Variants in PLCB1 observed in about 807,000 individuals in gnomAD.
PLCB1 encodes the protein phospholipase C beta 1, also known as 1-phosphatidylinositol 4,5-bisphosphate phosphodiesterase beta-1.
A neutral mutation model predicts 161.8 loss-of-function variants in PLCB1; 46 were observed. The observed-to-expected ratio is 0.28, with a 90% CI of 0.22 to 0.36. The LOEUF (loss-of-function observed/expected upper bound fraction) is 0.36, where lower values mean the gene tolerates loss of function less well. PLCB1 is among the 10% of genes least tolerant of loss of function. The probability of loss-of-function intolerance (pLI) is 1.00; values close to 1 mark genes in which losing one functional copy is unlikely to be tolerated. For synonymous variants in PLCB1, 517 were observed against 503.7 expected, an observed-to-expected ratio of 1.03 and a Z score of -0.35; for missense variants, 1,016 against 1,472.5, an observed-to-expected ratio of 0.69 and a Z score of 5.07.
intron 3 of PLCB1, among the ~76,000 whole-genome samples, chr20:8,545,157 C>T (rs967771909): frequency 1.3e-5 from 2 of 152,166 alleles, no homozygotes; most frequent in Non-Finnish European, 2.9e-5. Context: ...ACTTGTCTCT[C>T]GGAAACCTTC....
At chr20:8,170,519 T>G (rs1024142607) in intron 2 of PLCB1, among the ~76,000 whole-genome samples, 2 of 151,950 alleles carry the variant, frequency 1.3e-5, no homozygotes, top group African/African-American at 4.8e-5. Context: ...AAAAAAAGAG[T>G]GTCATTGCTT....
intron 14 of PLCB1, 92 bp from the exon 15 acceptor site, chr20:8,722,262 T>A: frequency 1.1e-6 from 1 of 921,412 alleles, no homozygotes; most frequent in Non-Finnish European, 1.7e-6. Flanking sequence ...CAAGGAAATC[T>A]GTAATTGATT....
intron 3 of PLCB1, among the ~76,000 whole-genome samples, chr20:8,541,481 T>C (rs529509942): frequency 2.0e-5 from 3 of 151,788 alleles, no homozygotes; most frequent in African/African-American, 4.8e-5. Context: ...GCATTGGTTC[T>C]CCAAATCTCA....
At chr20:8,520,707 T>C (rs1238068929) in intron 3 of PLCB1, among the ~76,000 whole-genome samples, 2 of 152,222 alleles carry the variant, frequency 1.3e-5, no homozygotes, top group Admixed American at 6.5e-5. Flanking sequence ...TTTCTGTGGG[T>C]ATAAATAACT....
intron 3 of PLCB1, among the ~76,000 whole-genome samples, chr20:8,535,053 T>C (rs1984986465): frequency 6.7e-6 from 1 of 150,084 alleles, no homozygotes. Flanking sequence ...TTCTCCTGGT[T>C]GGTGGAAATA....
At chr20:8,751,609 A>G (rs1981485122) in intron 23 of PLCB1, 1 of 152,196 alleles carries the variant, frequency 6.6e-6, no homozygotes, top group Non-Finnish European at 1.5e-5. Flanking sequence ...AGTTAGGCAT[A>G]TTTTGAAGAA....
At chr20:8,550,156 A>G (rs1361234401) in intron 3 of PLCB1, among the ~76,000 whole-genome samples, 1 of 152,142 alleles carries the variant, frequency 6.6e-6, no homozygotes, top group African/African-American at 2.4e-5. Flanking sequence ...ATTTCAGATG[A>G]GAGTTTGGAC....
At chr20:8,298,376 G>C (rs1299520083) in intron 2 of PLCB1, among the ~76,000 whole-genome samples, 2 of 151,806 alleles carry the variant, frequency 1.3e-5, no homozygotes, top group African/African-American at 2.4e-5. Context: ...AGAGTAATTG[G>C]TAGAGTTTGT....
chr20:8,467,835 G>A (rs1820578479), intron 3 of PLCB1, among the ~76,000 whole-genome samples: 1 of 152,132 alleles, frequency 6.6e-6, no homozygotes, highest in African/African-American at 2.4e-5. Flanking sequence ...TTCTTATTTA[G>A]TTGTTCTTCA....
At chr20:8,235,224 G>A (rs1254643555) in intron 2 of PLCB1, among the ~76,000 whole-genome samples, 1 of 152,062 alleles carries the variant, frequency 6.6e-6, no homozygotes. Context: ...AAAATATAAT[G>A]TGCATTATTT....
chr20:8,584,131 G>A (rs975294352), intron 3 of PLCB1, among the ~76,000 whole-genome samples: 27 of 152,058 alleles, frequency 1.8e-4, no homozygotes, highest in African/African-American at 6.0e-4. Context: ...AATAGAAATC[G>A]CTTTGAACAA....
At chr20:8,646,412 C>T (rs368604361) in intron 5 of PLCB1, among the ~76,000 whole-genome samples, 7 of 152,294 alleles carry the variant, frequency 4.6e-5, no homozygotes, top group Middle Eastern at 3.4e-3. Flanking sequence ...GGGCTAAGTT[C>T]GCATGAATGT....
intron 3 of PLCB1, among the ~76,000 whole-genome samples, chr20:8,468,305 A>G (rs1037981705): frequency 2.0e-5 from 3 of 152,168 alleles, no homozygotes; most frequent in Admixed American, 2.0e-4. Flanking sequence ...ATTTTACTAT[A>G]TGTATGTTAT....
At chr20:8,268,886 A>G (rs1189694270) in intron 2 of PLCB1, among the ~76,000 whole-genome samples, 1 of 140,988 alleles carries the variant, frequency 7.1e-6, no homozygotes, top group African/African-American at 2.6e-5. Flanking sequence ...AACTTCACAG[A>G]TACAAAATGA....
intron 2 of PLCB1, among the ~76,000 whole-genome samples, chr20:8,266,439 A>G (rs1041585644): frequency 3.3e-5 from 5 of 152,222 alleles, no homozygotes; most frequent in African/African-American, 7.2e-5. Flanking sequence ...CATAGCAGCA[A>G]AAAGAAAGCA....
At chr20:8,265,970 G>A (rs553220119) in intron 2 of PLCB1, among the ~76,000 whole-genome samples, 1 of 152,232 alleles carries the variant, frequency 6.6e-6, no homozygotes, top group East Asian at 1.9e-4. Flanking sequence ...TACTTATTTA[G>A]AATCTAAGTA....
intron 9 of PLCB1, among the ~76,000 whole-genome samples, chr20:8,681,120 A>ATATATATATATT (rs1225874515): frequency 1.9e-5 from 1 of 53,860 alleles, no homozygotes; most frequent in Non-Finnish European, 3.8e-5. Flanking sequence ...ATATATATAT[A>ATATATATATATT]ATATATATAA....
At chr20:8,465,273 G>A (rs1981767836) in intron 3 of PLCB1, among the ~76,000 whole-genome samples, 1 of 152,080 alleles carries the variant, frequency 6.6e-6, no homozygotes, top group African/African-American at 2.4e-5. Context: ...TCAACCAGTG[G>A]CCAATAAATT....
rs1437440056 is a variant in PLCB1, at chr20:8,722,537, T to C, written c.1581+116T>C. 1.7e-5 allele frequency: 10 copies of C among 586,014 alleles called. No homozygotes were observed. In the Admixed American group the frequency reaches 3.0e-4, roughly 17 times the overall value. The allele number at this position is 586,014 out of a possible 1,614,324, so 36.3% of individuals were successfully genotyped here. A position where few individuals can be genotyped will look rare whatever the true frequency, so the allele number is the denominator to read the frequency against. ...CAAAAAGTAGATTTGTGCCTTCCAA[T>C]TGCCAGCTTCAATTTTTGAGGCAAT... On this transcript the variant is annotated intron_variant, in intron 15 of 31. Transcript: ENST00000338037.
Sources: allele counts gnomAD v4.1 joint callset (sites outside exome capture counted in the v4.1 genomes callset), GRCh38; gene constraint gnomAD v4.1.1; transcripts MANE v1.5; gene names NCBI Gene and HGNC (gene_info 2026-07-23, HGNC 2026-07-21).